The following PLEKHG1 variants were observed in gnomAD, a reference collection of about 807,000 sequenced individuals.
PLEKHG1 encodes the protein pleckstrin homology domain-containing family G member 1.
PLEKHG1 carries 44 observed loss-of-function variants against 100.8 expected under a neutral mutation model. That is an observed-to-expected ratio of 0.44 (90% CI 0.34 to 0.56). The LOEUF (loss-of-function observed/expected upper bound fraction) is 0.56, where lower values mean the gene tolerates loss of function less well. PLEKHG1 is among the 20% of genes least tolerant of loss of function. PLEKHG1 has a pLI of 0.01. For synonymous variants in PLEKHG1, 640 were observed against 662.5 expected (o/e 0.97, Z 0.52); for missense variants, 1,545 against 1,720.9 (o/e 0.90, Z 1.81).
chr6:150,765,011 TAA>T (rs999124790), intron 2 of PLEKHG1, among the ~76,000 whole-genome samples: 7 of 151,966 alleles, frequency 4.6e-5, no homozygotes, highest in African/African-American at 1.7e-4. Context: ...ATCCTCAAAA[TAA>T]AAAGATGGGA....
At chr6:150,776,281 A>C (rs951653074) in intron 3 of PLEKHG1, among the ~76,000 whole-genome samples, 6 of 152,286 alleles carry the variant, frequency 3.9e-5, no homozygotes, top group Admixed American at 1.3e-4. Context: ...CCAAATCCTG[A>C]AGGCAAGATG....
At chr6:150,825,984 G>T (rs922487754) in intron 14 of PLEKHG1, among the ~76,000 whole-genome samples, 37 of 152,064 alleles carry the variant, frequency 2.4e-4, no homozygotes, top group African/African-American at 8.2e-4. Context: ...TTTGAGACCA[G>T]CCTGGCCAAC....
At chr6:150,625,187 G>A (rs934013933) in intron 1 of PLEKHG1, among the ~76,000 whole-genome samples, 11 of 152,100 alleles carry the variant, frequency 7.2e-5, no homozygotes, top group Non-Finnish European at 1.3e-4. Flanking sequence ...AATAAGTTTA[G>A]AAGAGTATAT....
At chr6:150,678,970 T>C (rs1463330274) in intron 3 of PLEKHG1, among the ~76,000 whole-genome samples, 1 of 152,242 alleles carries the variant, frequency 6.6e-6, no homozygotes, top group African/African-American at 2.4e-5. Flanking sequence ...GAAATCAGCC[T>C]AAATTCATTA....
exon 1 of PLEKHG1, chr6:150,599,890 T>TGAGCCC (rs1029383950): frequency 4.5e-4 from 81 of 181,768 alleles, no homozygotes; most frequent in Admixed American, 1.8e-3. Context: ...AGCCCGAGCC[T>TGAGCCC]GAGCCCGAGC....
chr6:150,811,269 G>A (rs1311654502), intron 10 of PLEKHG1, among the ~76,000 whole-genome samples: 1 of 36,182 alleles, frequency 2.8e-5, no homozygotes, highest in African/African-American at 1.1e-4. Context: ...AAAGGATAGG[G>A]AATGTTTTTT....
At chr6:150,630,581 G>A (rs748559461) in intron 1 of PLEKHG1, among the ~76,000 whole-genome samples, 2 of 152,194 alleles carry the variant, frequency 1.3e-5, no homozygotes, top group Non-Finnish European at 2.9e-5. Context: ...TTAGCAACGG[G>A]GAGAAACTGA....
At chr6:150,602,046 T>G (rs1229367625) in intron 1 of PLEKHG1, among the ~76,000 whole-genome samples, 1 of 152,148 alleles carries the variant, frequency 6.6e-6, no homozygotes, top group East Asian at 1.9e-4. Context: ...GAATAACCAG[T>G]CCTATGTTGT....
At chr6:150,616,524 C>G (rs1263533318) in intron 1 of PLEKHG1, among the ~76,000 whole-genome samples, 1 of 152,040 alleles carries the variant, frequency 6.6e-6, no homozygotes, top group Non-Finnish European at 1.5e-5. Flanking sequence ...GGTGTCTTCT[C>G]TAGAGAAAAA....
chr6:150,611,344 C>A (rs566023491), intron 1 of PLEKHG1, among the ~76,000 whole-genome samples: 1 of 152,180 alleles, frequency 6.6e-6, no homozygotes, highest in East Asian at 1.9e-4. Context: ...CAAAAAGACC[C>A]AAAACAAGCA....
intron 2 of PLEKHG1, among the ~76,000 whole-genome samples, chr6:150,745,365 C>T (rs1473596112): frequency 2.0e-5 from 3 of 152,124 alleles, no homozygotes; most frequent in African/African-American, 4.8e-5. Context: ...AACTCTATGA[C>T]GCATAACATA....
chr6:150,627,621 C>T (rs1184099031), intron 1 of PLEKHG1, among the ~76,000 whole-genome samples: 1 of 151,988 alleles, frequency 6.6e-6, no homozygotes, highest in Non-Finnish European at 1.5e-5. Context: ...AAAGTATTTA[C>T]TAGTCCGCAA....
intron 3 of PLEKHG1, among the ~76,000 whole-genome samples, chr6:150,691,495 A>G (rs1253394752): frequency 6.6e-6 from 1 of 152,146 alleles, no homozygotes; most frequent in Admixed American, 6.5e-5. Context: ...TGCTTTTTAC[A>G]TTTCAAAGGC....
At chr6:150,760,677 TTTAC>T (rs1342504065) in intron 2 of PLEKHG1, among the ~76,000 whole-genome samples, 8 of 150,308 alleles carry the variant, frequency 5.3e-5, no homozygotes, top group Non-Finnish European at 1.0e-4. Context: ...AATGATAGGA[TTTAC>T]ACTATAGAAA....
chr6:150,812,771 G>A (rs1787607341), intron 10 of PLEKHG1, among the ~76,000 whole-genome samples: 1 of 152,134 alleles, frequency 6.6e-6, no homozygotes, highest in South Asian at 2.1e-4. Flanking sequence ...CTTCTTGTTG[G>A]AACGGGGCCT....
chr6:150,656,527 G>T (rs956382593), intron 3 of PLEKHG1, among the ~76,000 whole-genome samples: 5 of 152,170 alleles, frequency 3.3e-5, no homozygotes, highest in Admixed American at 1.3e-4. Context: ...ATGCTGCCCT[G>T]AATGGCCTCT....
intron 3 of PLEKHG1, among the ~76,000 whole-genome samples, chr6:150,696,467 C>A (rs540501648): frequency 4.0e-4 from 61 of 152,260 alleles, no homozygotes; most frequent in Non-Finnish European, 7.9e-4. Flanking sequence ...CTGTGAATAT[C>A]TCATTACACA....
intron 2 of PLEKHG1, among the ~76,000 whole-genome samples, chr6:150,753,704 C>T (rs981427518): frequency 2.0e-5 from 3 of 152,010 alleles, no homozygotes; most frequent in African/African-American, 7.2e-5. Context: ...TTGTGCAAAG[C>T]GGGAGTGAGG....
chr6:150,773,014 C>T (rs745330078), intron 3 of PLEKHG1, among the ~76,000 whole-genome samples: 3 of 152,040 alleles, frequency 2.0e-5, no homozygotes, highest in Non-Finnish European at 4.4e-5. Flanking sequence ...AATTGTATAA[C>T]GTGTAAGTTT....
Sources: gnomAD v4.1 joint callset for allele counts (sites outside exome capture counted in the v4.1 genomes callset) on GRCh38, gnomAD v4.1.1 for gene constraint, MANE v1.5 for transcripts, NCBI Gene and HGNC (gene_info 2026-07-23, HGNC 2026-07-21) for gene names.